PLCB1: variants seen among roughly 807,000 people sequenced by gnomAD.
PLCB1 encodes the protein phospholipase C beta 1.
PLCB1 carries 46 observed loss-of-function variants against 161.8 expected under a neutral mutation model. The observed-to-expected ratio is 0.28, with a 90% CI of 0.22 to 0.36. The LOEUF is 0.36. PLCB1 is among the 10% of genes least tolerant of loss of function. The probability of loss-of-function intolerance (pLI) is 1.00; values close to 1 mark genes in which losing one functional copy is unlikely to be tolerated. For synonymous variants in PLCB1, 517 were observed against 503.7 expected, an observed-to-expected ratio of 1.03 and a Z score of -0.35; for missense variants, 1,016 against 1,472.5, an observed-to-expected ratio of 0.69 and a Z score of 5.07.
chr20:8,674,506 A>G (rs1055133198), intron 9 of PLCB1, among the ~76,000 whole-genome samples: 1 of 152,184 alleles, frequency 6.6e-6, no homozygotes, highest in Non-Finnish European at 1.5e-5. Flanking sequence ...GTCATTGACC[A>G]TCCTTTTCAT....
intron 4 of PLCB1, among the ~76,000 whole-genome samples, chr20:8,636,188 A>T (rs2123247799): frequency 6.6e-6 from 1 of 152,328 alleles, no homozygotes; most frequent in South Asian, 2.1e-4. Flanking sequence ...TGTGCCAAAA[A>T]GATCACTGTT....
intron 2 of PLCB1, among the ~76,000 whole-genome samples, chr20:8,329,803 A>G (rs920268431): frequency 6.6e-6 from 1 of 152,166 alleles, no homozygotes; most frequent in Middle Eastern, 3.2e-3. Flanking sequence ...GAGCACTGCC[A>G]CAGCATGTTC....
chr20:8,748,816 G>A (rs1981302944), intron 23 of PLCB1, among the ~76,000 whole-genome samples: 1 of 152,192 alleles, frequency 6.6e-6, no homozygotes, highest in Non-Finnish European at 1.5e-5. Context: ...GATTATAGCT[G>A]TTCTTGCCAC....
Position 8,730,631 on chromosome 20 carries a change from TA to T in PLCB1, c.1888+1466del, listed in dbSNP as rs73613689. Among the ~76,000 whole-genome samples, 605 of 151,078 alleles carry T rather than the reference TA, an allele frequency of 4.0e-3. 20 individuals carry two copies. In the East Asian group the frequency reaches 0.068, roughly 17 times the overall value. On this transcript the variant is annotated intron_variant, in intron 18 of 31. Transcript: ENST00000338037. Reference sequence around the variant, plus strand: ...ACTGTATTATGTTTTCCTTGACTACTAAAAAAAAACTATTTTTAAAATCATA... The same window carrying T: ...ACTGTATTATGTTTTCCTTGACTACTAAAAAAAACTATTTTTAAAATCATA...
At chr20:8,851,602 G>A (rs1425509254) in intron 31 of PLCB1, among the ~76,000 whole-genome samples, 2 of 152,124 alleles carry the variant, frequency 1.3e-5, no homozygotes, top group Non-Finnish European at 2.9e-5. Context: ...TATCTAGATG[G>A]CCTGGAAGTA....
At chr20:8,811,637 A>G (rs1984827703) in intron 31 of PLCB1, among the ~76,000 whole-genome samples, 1 of 152,230 alleles carries the variant, frequency 6.6e-6, no homozygotes, top group Non-Finnish European at 1.5e-5. Flanking sequence ...TCAGAACAAT[A>G]ACAATAAAGG....
intron 2 of PLCB1, among the ~76,000 whole-genome samples, chr20:8,206,974 A>G (rs1978566653): frequency 7.0e-6 from 1 of 143,824 alleles, no homozygotes; most frequent in Non-Finnish European, 1.5e-5. Flanking sequence ...TTAGGGAAAA[A>G]TACAAGGAGA....
chr20:8,436,588 T>C (rs905325922), intron 3 of PLCB1, among the ~76,000 whole-genome samples: 11 of 152,098 alleles, frequency 7.2e-5, no homozygotes, highest in African/African-American at 2.7e-4. Flanking sequence ...CTCCTCATTT[T>C]ATAGGTTTTG....
At chr20:8,603,194 A>G (rs1987647907) in intron 3 of PLCB1, among the ~76,000 whole-genome samples, 1 of 152,236 alleles carries the variant, frequency 6.6e-6, no homozygotes, top group Non-Finnish European at 1.5e-5. Flanking sequence ...GAAGAGAAAT[A>G]CAAGATTTTC....
intron 7 of PLCB1, chr20:8,651,504 A>T: frequency 1.4e-6 from 1 of 719,522 alleles, no homozygotes; most frequent in Non-Finnish European, 2.6e-6. Context: ...AAGCAAAATA[A>T]AATGCTTGAA....
At chr20:8,582,343 C>T (rs889426863) in intron 3 of PLCB1, among the ~76,000 whole-genome samples, 2 of 152,154 alleles carry the variant, frequency 1.3e-5, no homozygotes, top group East Asian at 1.9e-4. Context: ...TAACGCCCTA[C>T]ACCCAATAGT....
intron 3 of PLCB1, among the ~76,000 whole-genome samples, chr20:8,408,559 C>T (rs182373365): frequency 2.0e-5 from 3 of 151,898 alleles, no homozygotes; most frequent in East Asian, 3.9e-4. Flanking sequence ...TTAGACATCC[C>T]TTAGCAAATT....
chr20:8,640,921 G>A lies in PLCB1; in HGVS notation c.385-5181G>A, dbSNP rs555328049. Among the ~76,000 whole-genome samples the A allele has an allele frequency of 1.3e-4, 20 of 152,100 alleles. No homozygotes were observed. In the South Asian group the frequency reaches 2.9e-3, roughly 22 times the overall value. On this transcript the variant is annotated intron_variant, in intron 4 of 31. Transcript: ENST00000338037. ...GTTCATTTTCATTTCATTTCACCAC[G>A]TTAAACTTTTCCCATTTGGCAGAGG... is the stretch of plus-strand genomic sequence containing the variant.
chr20:8,446,811 T>C (rs1198926223), intron 3 of PLCB1, among the ~76,000 whole-genome samples: 1 of 152,158 alleles, frequency 6.6e-6, no homozygotes, highest in Admixed American at 6.5e-5. Flanking sequence ...AAATGGGTGC[T>C]TCTGATGACT....
At chr20:8,511,862 A>T (rs750882430) in intron 3 of PLCB1, among the ~76,000 whole-genome samples, 120 of 152,028 alleles carry the variant, frequency 7.9e-4, no homozygotes, top group Non-Finnish European at 1.6e-3. Flanking sequence ...CCATTTTTTT[A>T]AAAAATTCGA....
intron 18 of PLCB1, 81 bp from the exon 19 acceptor site, chr20:8,733,157 G>A: frequency 7.2e-7 from 1 of 1,388,878 alleles, no homozygotes; most frequent in Non-Finnish European, 1.0e-6. Flanking sequence ...AGTGGACTGG[G>A]ATCAACTTTA....
At chr20:8,728,173 A>G (rs1308432807) in intron 17 of PLCB1, among the ~76,000 whole-genome samples, 1 of 152,132 alleles carries the variant, frequency 6.6e-6, no homozygotes, top group African/African-American at 2.4e-5. Flanking sequence ...TAATCCTCAC[A>G]ATAGTCCTAT....
At chr20:8,449,400 G>A (rs918493118) in intron 3 of PLCB1, among the ~76,000 whole-genome samples, 1 of 152,190 alleles carries the variant, frequency 6.6e-6, no homozygotes, top group Non-Finnish European at 1.5e-5. Context: ...AAGTGCTGTA[G>A]ACAGTTAATT....
Position 8,578,914 on chromosome 20 carries a change from T to A in PLCB1, c.247-49380T>A, listed in dbSNP as rs535121373. Among the ~76,000 whole-genome samples the A allele has an allele frequency of 2.7e-4, 41 of 152,362 alleles. 2 individuals carry two copies. The South Asian group carries it at 7.2e-3, about 27-fold the overall frequency. On this transcript the variant is annotated intron_variant, in intron 3 of 31. Transcript: ENST00000338037. The stretch of plus-strand genomic sequence containing the variant: ...GTAAATTTCTGATGGCAGTCACATC[T>A]TGATAGGAATAAATACTGATTCATT...
Sources: allele counts gnomAD v4.1 joint callset (sites outside exome capture counted in the v4.1 genomes callset), GRCh38; gene constraint gnomAD v4.1.1; transcripts MANE v1.5; gene names NCBI Gene and HGNC (gene_info 2026-07-23, HGNC 2026-07-21).